Variants in E2F8 observed in about 807,000 individuals in gnomAD.
E2F8 encodes transcription factor E2F8.
Under a neutral mutation model 80.8 loss-of-function variants are expected in E2F8, and 35 were observed. The ratio of observed to expected loss-of-function variants is 0.43; its 90% CI spans 0.33 to 0.57. The LOEUF is 0.57. Ranked by LOEUF, E2F8 falls within the 20% of genes least tolerant of loss-of-function variation. The probability of loss-of-function intolerance (pLI) is 0.04; values close to 1 mark genes in which losing one functional copy is unlikely to be tolerated. For missense variants in E2F8, 975 were observed against 1,056.2 expected, an observed-to-expected ratio of 0.92 and a Z score of 1.07; for synonymous variants, 386 against 395.0, an observed-to-expected ratio of 0.98 and a Z score of 0.27.
At chr11:19,237,811 C>A in intron 3 of E2F8, 43 bp downstream of exon 3, 9 of 1,573,646 alleles carry the variant, frequency 5.7e-6, no homozygotes, top group South Asian at 1.2e-5. Context: ...CCCCCTCCCC[C>A]CAACAAATTC....
Position 19,234,365 on chromosome 11 carries a change from A to T in E2F8, c.923T>A (p.Phe308Tyr). 1.2e-6 allele frequency: 2 copies of T among 1,613,854 alleles called. No individual in the cohort carries two copies. The highest frequency in any genetic ancestry group is 8.5e-7 in the Non-Finnish European group (1 of 1,179,944). ...ATGGCAGTCATGACACTTACTTTTA[A>T]ACTTGCTTTTATCCAAATCTTCCAC... ...DHVEDLDKSK[F>Y]KTKIRRLYDI... Residue 308 changes from phenylalanine (F) to tyrosine (Y), a missense_variant, in exon 6 of 13, where the codon TTT becomes TAT. Transcript: ENST00000250024.
At position 19,229,444 on chromosome 11, in the gene E2F8, C is replaced by A; in HGVS notation, c.1893+10G>T. 1 of 1,606,882 alleles carries A rather than the reference C, an allele frequency of 6.2e-7. No homozygotes were observed. Among genetic ancestry groups the A allele is most frequent in the Non-Finnish European group, 8.5e-7 (1 of 1,176,670 alleles). On this transcript the variant is annotated intron_variant, in intron 10 of 12. Coordinates refer to ENST00000250024, the MANE Select transcript of E2F8 (RefSeq NM_024680.4). The surrounding 1 kb of genome is among the most constrained non-coding windows in gnomAD (Gnocchi z 4.3). ...TCCTAAAGCTTTGTGCAGTTCAAGGCTGTACTTACTGCGGAGACATTTTCA... is the reference window on the plus strand; with the variant it reads ...TCCTAAAGCTTTGTGCAGTTCAAGGATGTACTTACTGCGGAGACATTTTCA...
rs1366549071 is a variant in E2F8 at position 19,230,654 on chromosome 11, C to T, written c.1247G>A (p.Ser416Asn). 8 of 1,614,042 alleles carry T rather than the reference C, an allele frequency of 5.0e-6. No homozygotes were observed. The highest frequency in any genetic ancestry group is 6.8e-6 in the Non-Finnish European group (8 of 1,180,042). ...ACCTTTGTTGGTCTTGATAGGGCTACTGGGCGCAGAATTTATCTTTCTCCG... is the reference window on the plus strand; with the variant it reads ...ACCTTTGTTGGTCTTGATAGGGCTATTGGGCGCAGAATTTATCTTTCTCCG... ...SDRRKINSAPSSPIKTNKAES... is the reference protein window; with the variant it reads ...SDRRKINSAPNSPIKTNKAES... The change falls in exon 8 of 13, where the codon AGT (serine) becomes AAT (asparagine). Residue 416 changes from serine (S) to asparagine (N), a missense_variant. By Grantham distance (46) the Ser-to-Asn change is conservative. Transcript: ENST00000250024.
At chr11:19,241,293 C>A (rs1034315737), upstream of E2F8, 1 of 154,932 alleles carries the variant, frequency 6.5e-6, no homozygotes, top group Non-Finnish European at 1.4e-5. The surrounding 1 kb of genome is among the most constrained non-coding windows in gnomAD (Gnocchi z 4.5). Flanking sequence ...TCCCTCACGG[C>A]CCCCGGCGAA....
At chr11:19,240,070 T>TA (rs754348034) in intron 2 of E2F8, 37 bp downstream of exon 2, 1 of 1,480,540 alleles carries the variant, frequency 6.8e-7, no homozygotes, top group Non-Finnish European at 9.1e-7. Context: ...ATACTGAATT[T>TA]AAAATTGCAA....
Position 19,224,475 on chromosome 11 carries a change from G to A in E2F8, c.*183C>T, listed in dbSNP as rs906921734. ...CTTAGCTTTATACAAATATATGTGT[G>A]TGTGTGTGTGTGTGTGTGTGTGTAT... On this transcript the variant is annotated 3_prime_UTR_variant, in exon 13 of 13. Transcript: ENST00000250024. 4.9e-5 allele frequency: 19 copies of A among 384,500 alleles called. No individual in the cohort carries two copies. Among genetic ancestry groups the A allele is most frequent in the Middle Eastern group, 1.5e-3 (2 of 1,306 alleles). The allele number at this position is 384,500 out of a possible 1,614,324, so 23.8% of individuals were successfully genotyped here.
At chr11:19,227,238 A>G (rs1056678243) in intron 10 of E2F8, among the ~76,000 whole-genome samples, 1 of 152,218 alleles carries the variant, frequency 6.6e-6, no homozygotes, top group South Asian at 2.1e-4. Context: ...AAAGTATACT[A>G]CAAGCTTTTA....
At position 19,230,624 on chromosome 11, in the gene E2F8, A is replaced by C; in HGVS notation, c.1270+7T>G. On this transcript the variant is annotated splice_region_variant and intron_variant, in intron 8 of 12. Transcript: ENST00000250024. ...CTAGCAGATCCCTGACATTCCTGAAAACATACCTTTGTTGGTCTTGATAGG... is the reference window on the plus strand; with the variant it reads ...CTAGCAGATCCCTGACATTCCTGAACACATACCTTTGTTGGTCTTGATAGG... 6.2e-7 allele frequency: 1 copy of C among 1,613,620 alleles called. No individual in the cohort carries two copies. The highest frequency in any genetic ancestry group is 1.1e-5 in the South Asian group (1 of 91,022).
intron 10 of E2F8, among the ~76,000 whole-genome samples, chr11:19,226,656 A>G (rs1432348374): frequency 2.0e-5 from 3 of 152,236 alleles, no homozygotes; most frequent in Non-Finnish European, 2.9e-5. Context: ...TTCCTGCTAC[A>G]ATGGCAGAGT....
rs769970471 is a variant in E2F8 at position 19,238,015 on chromosome 11, G to A, written c.133C>T (p.Pro45Ser). The A allele has an allele frequency of 3.1e-6, 5 of 1,614,088 alleles. No individual in the cohort carries two copies. The East Asian group carries it at 1.1e-4, about 36-fold the overall frequency. Residue 45 changes from proline (P) to serine (S), a missense_variant, in exon 3 of 13, where the codon CCT becomes TCT. Coordinates refer to ENST00000250024, the MANE Select transcript of E2F8 (RefSeq NM_024680.4). ...TGAGAGCCTTCCTTGGGCTTGGTAG[G>A]TGTGGTTAAAGGGCCAAAGTCAGGC... ...IQPDFGPLTT[P>S]TKPKEGSQGE...
intron 3 of E2F8, 123 bp from the exon 4 acceptor site, chr11:19,237,593 T>C: frequency 8.6e-7 from 1 of 1,162,128 alleles, no homozygotes; most frequent in South Asian, 1.6e-5. Flanking sequence ...CTGCAAAGTC[T>C]GGATGGGAGA....
rs371308883 is a variant in E2F8 at position 19,229,642 on chromosome 11, C to T, written c.1705G>A (p.Asp569Asn). The T allele has an allele frequency of 5.0e-6, 8 of 1,614,060 alleles. No individual in the cohort carries two copies. Among genetic ancestry groups the T allele is most frequent in the African/African-American group, 1.3e-5 (1 of 74,914 alleles). ...GTAGAGGCACTGGCCTTTGAGGTAT[C>T]ATTGGCTGCCTTCTCAGTGGTGGCA... ...TDATTEKAAN[D>N]TSKASASTRP... The change falls in exon 10 of 13, where the codon GAT becomes AAT. Residue 569 changes from aspartate to asparagine, a missense_variant. Physicochemically the swap from Asp to Asn is conservative, Grantham distance 23. Coordinates refer to ENST00000250024, the MANE Select transcript of E2F8 (RefSeq NM_024680.4). The surrounding 1 kb of genome is among the most constrained non-coding windows in gnomAD (Gnocchi z 4.3).
At chr11:19,235,090 T>G in intron 4 of E2F8, 32 bp from the exon 5 acceptor site, 1 of 1,552,310 alleles carries the variant, frequency 6.4e-7, no homozygotes, top group Non-Finnish European at 8.7e-7. Flanking sequence ...GTGTTACAGA[T>G]TTTTGTAACG....
intron 6 of E2F8, among the ~76,000 whole-genome samples, chr11:19,232,974 C>T (rs1460470684): frequency 6.6e-6 from 1 of 152,068 alleles, no homozygotes; most frequent in Non-Finnish European, 1.5e-5. Context: ...AATTACAAAT[C>T]GAGTCTCCTT....
At chr11:19,225,050 G>C in intron 12 of E2F8, 171 bp downstream of exon 12, 2 of 1,116,796 alleles carry the variant, frequency 1.8e-6, no homozygotes, top group Middle Eastern at 6.2e-4. Context: ...CAACAATATG[G>C]ATGCCTTGGA....
Position 19,225,585 on chromosome 11 carries a change from G to A in E2F8, c.2057C>T (p.Thr686Ile). Residue 686 changes from threonine (T) to isoleucine (I), a missense_variant, in exon 12 of 13, where the codon ACT becomes ATT. Thr to Ile is a moderately conservative substitution (Grantham distance 89). Coordinates refer to ENST00000250024, the MANE Select transcript of E2F8 (RefSeq NM_024680.4). Reference sequence around the variant, plus strand: ...ATGAAAAGAGGGAAAATTAACAGCAGTGAGTTCAGATGATGTCACTGGAAT... The same window carrying A: ...ATGAAAAGAGGGAAAATTAACAGCAATGAGTTCAGATGATGTCACTGGAAT... ...GVIPVTSSEL[T>I]AVNFPSFHVT... 1.2e-6 allele frequency: 2 copies of A among 1,614,224 alleles called. No individual in the cohort carries two copies. Among genetic ancestry groups the A allele is most frequent in the Non-Finnish European group, 1.7e-6 (2 of 1,180,036 alleles).
chr11:19,229,944 G>C lies in E2F8; in HGVS notation c.1403C>G (p.Pro468Arg), dbSNP rs200465886. The C allele has an allele frequency of 5.3e-5, 86 of 1,613,790 alleles. No individual in the cohort carries two copies. The highest frequency in any genetic ancestry group is 6.4e-5 in the Non-Finnish European group (75 of 1,179,986). ...GTCCAGAGGGGCTACTGGTTTGCAG[G>C]GTCCAGATCTTGCCAGCTGTACTTT... ...KVKVQLARSG[P>R]CKPVAPLDPP... Residue 468 changes from proline (P) to arginine (R), a missense_variant, in exon 10 of 13, where the codon CCC (proline) becomes CGC (arginine). Pro to Arg is a moderately radical substitution (Grantham distance 103). Transcript: ENST00000250024. This position sits in a 1 kb window ranked among gnomAD's most constrained non-coding sequence, Gnocchi z 4.3.
At chr11:19,238,336 A>G (rs1346359349) in intron 2 of E2F8, among the ~76,000 whole-genome samples, 2 of 152,202 alleles carry the variant, frequency 1.3e-5, no homozygotes, top group Non-Finnish European at 2.9e-5. Flanking sequence ...CCCATTTTTA[A>G]TTTTGCAATA....
rs747061419 is a variant in E2F8, at chr11:19,230,274, G to A, written c.1325C>T (p.Ala442Val). Residue 442 changes from alanine (A) to valine (V), a missense_variant, in exon 9 of 13, where the codon GCT becomes GTT. By Grantham distance (64) the Ala-to-Val change is moderately conservative. Transcript: ENST00000250024. The stretch of plus-strand genomic sequence containing the variant: ...CTCTTCTAACTGCATTTTACAAATA[G>A]CTGCGAGCTGAGCCATTTTACTTGG... Reference protein sequence around the residue: ...PFPSKMAQLAAICKMQLEEQS... With the variant: ...PFPSKMAQLAVICKMQLEEQS... The A allele has an allele frequency of 1.9e-6, 3 of 1,613,822 alleles. No homozygotes were observed. The African/African-American group carries it at 4.0e-5, about 22-fold the overall frequency.
Sources: allele counts gnomAD v4.1 joint callset (sites outside exome capture counted in the v4.1 genomes callset), GRCh38; gene constraint gnomAD v4.1.1; non-coding constraint Gnocchi (gnomAD v3.1); transcripts MANE v1.5; gene names NCBI Gene and HGNC (gene_info 2026-07-23, HGNC 2026-07-21).